UCK1: variants seen among roughly 807,000 people sequenced by gnomAD.
UCK1 encodes the protein uridine-cytidine kinase 1.
In UCK1, 20 loss-of-function variants were observed where a neutral mutation model predicts 34.0. That is an observed-to-expected ratio of 0.59 (90% CI 0.41 to 0.86). The LOEUF (loss-of-function observed/expected upper bound fraction) is 0.86. Among genes scored for constraint, UCK1 ranks in the 40% least tolerant of loss-of-function variants. The probability of loss-of-function intolerance (pLI) is 0.00; values close to 1 mark genes in which losing one functional copy is unlikely to be tolerated. For missense variants in UCK1, 343 were observed against 383.6 expected (o/e 0.89, Z 0.88); for synonymous variants, 168 against 155.9 (o/e 1.08, Z -0.58).
In UCK1 at chr9:131,524,827, G is replaced by C. The variant is rs1326693997; in HGVS notation, c.*213C>G. 7 of 571,392 alleles carry C rather than the reference G, an allele frequency of 1.2e-5. No homozygotes were observed. The highest frequency in any genetic ancestry group is 2.1e-5 in the Non-Finnish European group (7 of 331,490). The allele number at this position is 571,392 out of a possible 1,614,324, so 35.4% of individuals were successfully genotyped here. A position where few individuals can be genotyped will look rare whatever the true frequency, so the allele number is the denominator to read the frequency against. On this transcript the variant is annotated 3_prime_UTR_variant, in exon 7 of 7. Coordinates refer to ENST00000372215, the MANE Select transcript of UCK1 (RefSeq NM_031432.5). ...GATCTTTAAACCGCAACGAGCCTAA[G>C]TGGCTGAAAACCTCAGGAACGCCTG...
In UCK1 at chr9:131,531,074, C is replaced by T; in HGVS notation, c.101G>A (p.Ser34Asn). The change falls in exon 1 of 7, where the codon AGC becomes AAC. Residue 34 changes from serine to asparagine, a missense_variant. Physicochemically the swap from Ser to Asn is conservative, Grantham distance 46 (BLOSUM62 1). Transcript: ENST00000372215. Reference protein sequence around the residue: ...FLIGVSGGTASGKSTVCEKIM... With the variant: ...FLIGVSGGTANGKSTVCEKIM... Reference sequence around the variant, plus strand: ...GCCCGCTCGGCCCCTTACCTTCCCGCTGGCAGTGCCGCCGCTCACCCCTAT... The same window carrying T: ...GCCCGCTCGGCCCCTTACCTTCCCGTTGGCAGTGCCGCCGCTCACCCCTAT... 7.1e-7 allele frequency: 1 copy of T among 1,406,416 alleles called. No homozygotes were observed. Among genetic ancestry groups the T allele is most frequent in the Non-Finnish European group, 9.2e-7 (1 of 1,082,798 alleles). 87.1% of individuals were successfully genotyped at this position (1,406,416 alleles called of 1,614,324 possible). A position where few individuals can be genotyped will look rare whatever the true frequency, so the allele number is the denominator to read the frequency against.
chr9:131,530,803 G>A, intron 1 of UCK1, 158 bp from the exon 2 acceptor site: 2 of 1,349,960 alleles, frequency 1.5e-6, no homozygotes, highest in South Asian at 1.3e-5. Flanking sequence ...GAAGGGCCGC[G>A]GGGGCCCAAC....
At position 131,524,169 on chromosome 9, in the gene UCK1, A is replaced by ATATGGCC. The variant is rs1473806602; in HGVS notation, c.*864_*870dup. The ATATGGCC allele has an allele frequency of 6.6e-6, 1 of 152,314 alleles. No homozygotes were observed. The highest frequency in any genetic ancestry group is 1.5e-5 in the Non-Finnish European group (1 of 68,096). 9.4% of individuals were successfully genotyped at this position (152,314 alleles called of 1,614,324 possible). A position where few individuals can be genotyped will look rare whatever the true frequency, so the allele number is the denominator to read the frequency against. ...CACAGCCAGAAGCACCATTCCCTGCATATGGCCACTAGCCACCCTGGGGTG... is the reference window on the plus strand; with the variant it reads ...CACAGCCAGAAGCACCATTCCCTGCATATGGCCTATGGCCACTAGCCACCCTGGGGTG... On this transcript the variant is annotated 3_prime_UTR_variant, in exon 7 of 7. Transcript: ENST00000372215.
chr9:131,529,413 G>A, intron 3 of UCK1, 75 bp downstream of exon 3: 1 of 1,606,488 alleles, frequency 6.2e-7, no homozygotes, highest in Non-Finnish European at 8.5e-7. Context: ...CCTGCCGCCA[G>A]GCAGGTCTGT....
At position 131,530,638 on chromosome 9, in the gene UCK1, A is replaced by T. The variant is rs775946430; in HGVS notation, c.116T>A (p.Val39Glu). ...SGGTASGKST[V>E]CEKIMELLGQ... is the part of the protein sequence containing the mutation. ...CAGCAACTCCATGATCTTCTCACAC[A>T]CGGTCGACTGGAGACACAGAAGCGG... The change falls in exon 2 of 7, where the codon GTG becomes GAG. Residue 39 changes from valine (V) to glutamate (E), a missense_variant. Val to Glu is a moderately radical substitution (Grantham distance 121). Transcript: ENST00000372215. 1.9e-6 allele frequency: 3 copies of T among 1,614,088 alleles called. No individual in the cohort carries two copies. Among genetic ancestry groups the T allele is most frequent in the Non-Finnish European group, 1.7e-6 (2 of 1,180,014 alleles).
intron 5 of UCK1, 134 bp from the exon 6 acceptor site, chr9:131,526,111 G>T: frequency 1.0e-6 from 1 of 991,370 alleles, no homozygotes; most frequent in South Asian, 1.3e-5. Flanking sequence ...TCGGCAAATG[G>T]GGGACACAGA....
At chr9:131,525,780 T>C in intron 6 of UCK1, 149 bp downstream of exon 6, 1 of 868,940 alleles carries the variant, frequency 1.2e-6, no homozygotes, top group Non-Finnish European at 1.8e-6. Context: ...GCTACATACA[T>C]TTTTAAGCAT....
chr9:131,526,079 G>A (rs1469247103), intron 5 of UCK1, 102 bp from the exon 6 acceptor site: 33 of 1,315,572 alleles, frequency 2.5e-5, no homozygotes, highest in Non-Finnish European at 3.4e-5. Flanking sequence ...CGGCCCTGGG[G>A]TGCTCAGAGG....
In UCK1 at chr9:131,524,329, C is replaced by T. The variant is rs1950493053; in HGVS notation, c.*711G>A. On this transcript the variant is annotated 3_prime_UTR_variant, in exon 7 of 7. Coordinates refer to ENST00000372215, the MANE Select transcript of UCK1 (RefSeq NM_031432.5). ...GCCTCCGCTGCCTTCTGCCCTACTG[C>T]ATGGGCTCCCAGCCTGGCCCCGCAC... The T allele has an allele frequency of 1.3e-5, 2 of 152,406 alleles. No individual in the cohort carries two copies. Among genetic ancestry groups the T allele is most frequent in the Admixed American group, 1.3e-4 (2 of 15,292 alleles). 9.4% of individuals were successfully genotyped at this position (152,406 alleles called of 1,614,324 possible).
chr9:131,525,268 C>T (rs760277709), intron 6 of UCK1, 47 bp from the exon 7 acceptor site: 12 of 1,610,252 alleles, frequency 7.5e-6, no homozygotes, highest in East Asian at 4.5e-5. Context: ...ATCCATCCTC[C>T]GTGGAGACCG....
chr9:131,525,844 G>A, intron 6 of UCK1, 85 bp downstream of exon 6: 2 of 1,433,010 alleles, frequency 1.4e-6, no homozygotes, highest in East Asian at 2.3e-5. Flanking sequence ...GCAGGGGAGT[G>A]CTCAGTAACT....
intron 1 of UCK1, 185 bp from the exon 2 acceptor site, chr9:131,530,830 T>C: frequency 2.6e-6 from 3 of 1,157,562 alleles, no homozygotes; most frequent in Non-Finnish European, 3.6e-6. Context: ...AGCACGGACT[T>C]GGGGCTCCGA....
chr9:131,528,854 G>A (rs757362256), intron 5 of UCK1, 90 bp downstream of exon 5: 5 of 1,481,402 alleles, frequency 3.4e-6, no homozygotes, highest in Non-Finnish European at 4.6e-6. Context: ...TCAGATCACT[G>A]TCACCCAGCA....
Position 131,524,760 on chromosome 9 carries a change from G to A in UCK1, c.*280C>T, listed in dbSNP as rs776390506. The A allele has an allele frequency of 8.1e-6, 3 of 369,534 alleles. No individual in the cohort carries two copies. Among genetic ancestry groups the A allele is most frequent in the Non-Finnish European group, 1.5e-5 (3 of 204,154 alleles). The allele number at this position is 369,534 out of a possible 1,614,324, so 22.9% of individuals were successfully genotyped here. The stretch of plus-strand genomic sequence containing the variant: ...TCACATTCCTCACAGAAGCCTCCCA[G>A]GCTTCCTGCACATTCTGTGGCATTT... On this transcript the variant is annotated 3_prime_UTR_variant, in exon 7 of 7. Transcript: ENST00000372215.
At chr9:131,525,299 C>T in intron 6 of UCK1, 78 bp from the exon 7 acceptor site, 1 of 1,586,838 alleles carries the variant, frequency 6.3e-7, no homozygotes, top group Non-Finnish European at 8.6e-7. Flanking sequence ...CAGCACTCGG[C>T]CAGGAGTGAG....
At chr9:131,526,604 G>A (rs1588531160) in intron 5 of UCK1, 1 of 989,956 alleles carries the variant, frequency 1.0e-6, no homozygotes, top group Non-Finnish European at 1.4e-6. Flanking sequence ...CTTTAGGGAA[G>A]GGGAAGCAGC....
At chr9:131,530,944 C>A in intron 1 of UCK1, 123 bp downstream of exon 1, 3 of 1,006,708 alleles carry the variant, frequency 3.0e-6, no homozygotes, top group Non-Finnish European at 4.0e-6. Context: ...GCAGCCCCTT[C>A]GCTCCCGCGC....
chr9:131,530,518 G>A lies in UCK1; in HGVS notation c.236C>T (p.Ala79Val), dbSNP rs770537400. 1 of 1,614,244 alleles carries A rather than the reference G, an allele frequency of 6.2e-7. No homozygotes were observed. Among genetic ancestry groups the A allele is most frequent in the Non-Finnish European group, 8.5e-7 (1 of 1,180,036 alleles). Reference protein sequence around the residue: ...KVLTAEQKAKALKGQYNFDHP... With the variant: ...KVLTAEQKAKVLKGQYNFDHP... ...GTCAAAATTGTACTGTCCTTTCAAG[G>A]CCTTGGCCTTCTGCTCTGCCGTCAG... Residue 79 changes from alanine (A) to valine (V), a missense_variant, in exon 2 of 7, where the codon GCC becomes GTC. Transcript: ENST00000372215.
intron 1 of UCK1, 89 bp downstream of exon 1, chr9:131,530,978 C>CCCTCGGCCGGGGCTGGGGTCT: frequency 8.4e-7 from 1 of 1,183,536 alleles, no homozygotes; most frequent in Non-Finnish European, 1.1e-6. Context: ...GGCAGGGGGC[C>CCCTCGGCCGGGGCTGGGGTCT]CCTCGGCCGG....
Sources: gnomAD v4.1 joint callset for allele counts on GRCh38, gnomAD v4.1.1 for gene constraint, MANE v1.5 for transcripts, NCBI Gene and HGNC (gene_info 2026-07-23, HGNC 2026-07-21) for gene names.